SUN1: variants seen among roughly 807,000 people sequenced by gnomAD.
SUN1 encodes Sad1 and UNC84 domain containing 1, also known as SUN domain-containing protein 1.
Under a neutral mutation model 103.2 loss-of-function variants are expected in SUN1, and 61 were observed. That is an observed-to-expected ratio of 0.59 (90% CI 0.48 to 0.73). SUN1 has a LOEUF of 0.73. Among genes scored for constraint, SUN1 ranks in the 30% least tolerant of loss-of-function variants. SUN1 has a pLI of 0.00. For missense variants in SUN1, 1,052 were observed against 1,034.6 expected (o/e 1.02, Z -0.23); for synonymous variants, 490 against 425.7 (o/e 1.15, Z -1.86).
At chr7:841,083 G>A (rs547945116) in intron 2 of SUN1, among the ~76,000 whole-genome samples, 4 of 151,960 alleles carry the variant, frequency 2.6e-5, no homozygotes, top group African/African-American at 9.7e-5. Context: ...GCAGGCATGT[G>A]CCACCATGCC....
At chr7:815,785 C>A (rs1780175757), upstream of SUN1, 8 of 220,996 alleles carry the variant, frequency 3.6e-5, no homozygotes, top group South Asian at 3.6e-4. Flanking sequence ...CCCACACATT[C>A]CCCAGAAGGG....
chr7:817,600 T>C (rs1250665734), intron 1 of SUN1: 2 of 1,386,548 alleles, frequency 1.4e-6, no homozygotes, highest in Non-Finnish European at 2.0e-6. Flanking sequence ...TTGTGTCTTC[T>C]AAGCTTCAGT....
rs370468947 is a variant in SUN1, at chr7:852,925, G to A, written c.1026G>A (p.Thr342=). The A allele has an allele frequency of 1.9e-5, 31 of 1,613,578 alleles. No individual in the cohort carries two copies. Among genetic ancestry groups the A allele is most frequent in the African/African-American group, 1.2e-4 (9 of 74,900 alleles). ...ACCCCCAGGACGTGTTTAAACCCAC[G>A]ACTTCTCGCCTGAAGCAGCCTCTGC... ...VDDPQDVFKP[T]TSRLKQPLQG... Residue 342 remains threonine, a synonymous_variant, in exon 9 of 19, where the codon ACG becomes ACA. Transcript: ENST00000401592.
intron 2 of SUN1, 95 bp downstream of exon 2, chr7:839,081 G>T (rs757201506): frequency 2.1e-5 from 27 of 1,297,842 alleles, no homozygotes; most frequent in Non-Finnish European, 2.8e-5. Context: ...ACCCTGTCTC[G>T]AGCTTAAGGA....
intron 16 of SUN1, 32 bp downstream of exon 16, chr7:866,099 T>G: frequency 6.3e-7 from 1 of 1,585,346 alleles, no homozygotes; most frequent in South Asian, 1.1e-5. Flanking sequence ...GAGCTGCTCC[T>G]CTTCAGCATG....
At chr7:834,893 T>C (rs986169665) in intron 1 of SUN1, among the ~76,000 whole-genome samples, 2 of 151,964 alleles carry the variant, frequency 1.3e-5, no homozygotes, top group African/African-American at 4.8e-5. Flanking sequence ...CTGGCCAACA[T>C]GGTGAAACCC....
upstream of SUN1, among the ~76,000 whole-genome samples, chr7:828,580 A>G (rs952031643): frequency 6.6e-6 from 1 of 152,120 alleles, no homozygotes; most frequent in Non-Finnish European, 1.5e-5. Flanking sequence ...CTGGATGTAT[A>G]TATTTGTAAA....
In SUN1 at chr7:854,956, C is replaced by T. The variant is rs1193306641; in HGVS notation, c.1300C>T (p.Arg434Cys). Reference sequence around the variant, plus strand: ...GGCCTTTCACCAAGAACATGAAGTGCGTATGTCACACTTGGAAGATATTCT... The same window carrying T: ...GGCCTTTCACCAAGAACATGAAGTGTGTATGTCACACTTGGAAGATATTCT... ...FMAFHQEHEV[R>C]MSHLEDILGK... The change falls in exon 11 of 19, where the codon CGT becomes TGT. Residue 434 changes from arginine to cysteine, a missense_variant. Physicochemically the swap from Arg to Cys is radical, Grantham distance 180. This residue lies in a region of SUN1 where 846 missense variants were observed against 774.5 expected (regional missense o/e 1.09). Coordinates refer to ENST00000401592, the MANE Select transcript of SUN1 (RefSeq NM_001130965.3). 6 of 1,613,396 alleles carry T rather than the reference C, an allele frequency of 3.7e-6. No individual in the cohort carries two copies. The highest frequency in any genetic ancestry group is 1.6e-4 in the Middle Eastern group (1 of 6,082).
intron 2 of SUN1, among the ~76,000 whole-genome samples, chr7:841,642 TG>T (rs900192391): frequency 6.6e-6 from 1 of 152,172 alleles, no homozygotes; most frequent in African/African-American, 2.4e-5. Flanking sequence ...AAATCACAGA[TG>T]TTTTTATTTT....
In SUN1 at chr7:874,319, C is replaced by A. The variant is rs537310648; in HGVS notation, c.*988C>A. ...TTTATCACAGCTGTCACCATTCTCA[C>A]GTGATTCTTGTGAGACTCTTTTTGG... On this transcript the variant is annotated 3_prime_UTR_variant, in exon 19 of 19. Coordinates refer to ENST00000401592, the MANE Select transcript of SUN1 (RefSeq NM_001130965.3). 2 of 152,726 alleles carry A rather than the reference C, an allele frequency of 1.3e-5. No homozygotes were observed. Among genetic ancestry groups the A allele is most frequent in the Non-Finnish European group, 2.9e-5 (2 of 68,034 alleles). The allele number at this position is 152,726 out of a possible 1,614,324, so 9.5% of individuals were successfully genotyped here. A position where few individuals can be genotyped will look rare whatever the true frequency, so the allele number is the denominator to read the frequency against.
intron 15 of SUN1, among the ~76,000 whole-genome samples, chr7:865,675 A>G (rs1835901475): frequency 6.6e-6 from 1 of 152,088 alleles, no homozygotes; most frequent in Non-Finnish European, 1.5e-5. Flanking sequence ...ACCACTCTCC[A>G]TGGTGGTTGT....
At chr7:839,310 A>G (rs1806676294) in intron 2 of SUN1, 1 of 276,588 alleles carries the variant, frequency 3.6e-6, no homozygotes, top group Non-Finnish European at 6.7e-6. Flanking sequence ...GCTCAGCTAC[A>G]GCTGTCCTAC....
At chr7:835,113 A>G (rs1489169824) in intron 1 of SUN1, among the ~76,000 whole-genome samples, 5 of 152,262 alleles carry the variant, frequency 3.3e-5, no homozygotes, top group African/African-American at 1.2e-4. Context: ...TCTCTTTTGG[A>G]AAATGATAAT....
Position 843,988 on chromosome 7 carries a change from A to G in SUN1, c.658+468A>G, listed in dbSNP as rs927406472. On this transcript the variant is annotated intron_variant, in intron 5 of 18. Transcript: ENST00000401592. ...TATGGTGATGGAGGGGCCTTCAGAG[A>G]ACCTGTAGGTCTGGGAAGGACACAC... The G allele has an allele frequency of 6.8e-5, 49 of 716,566 alleles. No individual in the cohort carries two copies. In the Admixed American group the frequency reaches 8.2e-4, roughly 12 times the overall value. The allele number at this position is 716,566 out of a possible 1,614,324, so 44.4% of individuals were successfully genotyped here.
intron 1 of SUN1, among the ~76,000 whole-genome samples, chr7:824,197 G>A (rs934371543): frequency 2.6e-5 from 4 of 152,172 alleles, no homozygotes; most frequent in African/African-American, 4.8e-5. Flanking sequence ...ACAGATCTCC[G>A]CACAGGATGA....
chr7:840,960 T>G (rs562676313), intron 2 of SUN1, among the ~76,000 whole-genome samples: 1 of 150,474 alleles, frequency 6.6e-6, no homozygotes, highest in Admixed American at 6.6e-5. Flanking sequence ...TGAGACAGAG[T>G]TTCGCTTTTG....
chr7:865,012 TC>T (rs748376530), intron 15 of SUN1, among the ~76,000 whole-genome samples: 13 of 152,184 alleles, frequency 8.5e-5, no homozygotes, highest in Non-Finnish European at 1.8e-4. Flanking sequence ...GTACCACCCT[TC>T]TACCCTCTCT....
At position 843,364 on chromosome 7, in the gene SUN1, G is replaced by A. The variant is rs1266827104; in HGVS notation, c.502G>A (p.Gly168Arg). 2.5e-6 allele frequency: 4 copies of A among 1,608,126 alleles called. No homozygotes were observed. Among genetic ancestry groups the A allele is most frequent in the Admixed American group, 1.7e-5 (1 of 59,206 alleles). The change falls in exon 5 of 19, where the codon GGA (glycine) becomes AGA (arginine). Residue 168 changes from glycine (G) to arginine (R), a missense_variant. Physicochemically the swap from Gly to Arg is moderately radical, Grantham distance 125. Transcript: ENST00000401592. Reference sequence around the variant, plus strand: ...AGGTGGAAATAAAGCTGCCATTCAGGGAAACGGGGATGTGGGAGCCGCCGC... The same window carrying A: ...AGGTGGAAATAAAGCTGCCATTCAGAGAAACGGGGATGTGGGAGCCGCCGC... ...LKGGNKAAIQ[G>R]NGDVGAAAAT...
At chr7:852,743 A>C (rs892610135) in intron 8 of SUN1, 67 bp from the exon 9 acceptor site, 2 of 1,613,190 alleles carry the variant, frequency 1.2e-6, no homozygotes, top group African/African-American at 2.7e-5. Context: ...GAAAAAAATG[A>C]GCGTGTAAGT....
Sources: allele counts gnomAD v4.1 joint callset (sites outside exome capture counted in the v4.1 genomes callset), GRCh38; gene constraint gnomAD v4.1.1; regional missense constraint gnomAD v4.1.1; transcripts MANE v1.5; gene names NCBI Gene and HGNC (gene_info 2026-07-23, HGNC 2026-07-21).